TTC28: variants seen among roughly 807,000 people sequenced by gnomAD.
TTC28 encodes tetratricopeptide repeat protein 28.
A neutral mutation model predicts 198.0 loss-of-function variants in TTC28; 61 were observed. The ratio of observed to expected loss-of-function variants is 0.31; its 90% CI spans 0.25 to 0.38. The LOEUF (loss-of-function observed/expected upper bound fraction) is 0.38. Ranked by LOEUF, TTC28 falls within the 10% of genes least tolerant of loss-of-function variation. TTC28 has a pLI of 1.00. For missense variants in TTC28, 2,678 were observed against 3,164.0 expected, an observed-to-expected ratio of 0.85 and a Z score of 3.69; for synonymous variants, 1,171 against 1,297.8, an observed-to-expected ratio of 0.90 and a Z score of 2.10.
chr22:28,407,470 GCGCACA>G (rs999376484), intron 2 of TTC28, among the ~76,000 whole-genome samples: 6 of 136,758 alleles, frequency 4.4e-5, no homozygotes, highest in African/African-American at 1.8e-4. Flanking sequence ...ACACATGCGT[GCGCACA>G]CACACACACA....
At chr22:28,421,213 C>G (rs2047248143) in intron 2 of TTC28, among the ~76,000 whole-genome samples, 1 of 152,132 alleles carries the variant, frequency 6.6e-6, no homozygotes, top group African/African-American at 2.4e-5. Flanking sequence ...ATCTAATGTA[C>G]AGTACCCAAT....
At chr22:28,224,819 C>T (rs1302504860) in intron 5 of TTC28, among the ~76,000 whole-genome samples, 8 of 152,128 alleles carry the variant, frequency 5.3e-5, no homozygotes, top group Admixed American at 5.2e-4. Context: ...TGACTACATT[C>T]CCTTTTTTGC....
At chr22:28,199,548 T>TATATATATATATATATATAC (rs60177369) in intron 5 of TTC28, among the ~76,000 whole-genome samples, 51 of 147,466 alleles carry the variant, frequency 3.5e-4, no homozygotes, top group African/African-American at 1.2e-3. Context: ...TATATATATA[T>TATATATATATATATATATAC]ACACACAAAC....
chr22:28,584,228 C>G (rs1017855235), intron 2 of TTC28, among the ~76,000 whole-genome samples: 1 of 152,068 alleles, frequency 6.6e-6, no homozygotes, highest in African/African-American at 2.4e-5. Context: ...AACATAATTC[C>G]TTTTCTTCCT....
At chr22:28,245,618 A>AC (rs1377100149) in intron 5 of TTC28, among the ~76,000 whole-genome samples, 5 of 152,208 alleles carry the variant, frequency 3.3e-5, no homozygotes, top group Admixed American at 2.6e-4. Flanking sequence ...TAGCCAAAGT[A>AC]CCCTATGCGT....
intron 2 of TTC28, among the ~76,000 whole-genome samples, chr22:28,436,025 C>T (rs981832120): frequency 2.6e-5 from 4 of 152,116 alleles, no homozygotes; most frequent in South Asian, 2.1e-4. Context: ...AATTCAGTGG[C>T]GTTTAGTACA....
intron 2 of TTC28, among the ~76,000 whole-genome samples, chr22:28,451,409 A>T (rs138729192): frequency 6.6e-6 from 1 of 152,294 alleles, no homozygotes; most frequent in East Asian, 1.9e-4. Context: ...ACTCAATGAA[A>T]ATGTCCAGCA....
At chr22:28,279,008 A>G (rs1253563949) in intron 5 of TTC28, among the ~76,000 whole-genome samples, 2 of 152,186 alleles carry the variant, frequency 1.3e-5, no homozygotes, top group Non-Finnish European at 2.9e-5. Context: ...AGCTCTCACC[A>G]AGAATTCGAA....
intron 2 of TTC28, among the ~76,000 whole-genome samples, chr22:28,319,871 C>T (rs2045416156): frequency 6.6e-6 from 1 of 152,116 alleles, no homozygotes; most frequent in Non-Finnish European, 1.5e-5. Flanking sequence ...TGCAGAGTGC[C>T]CATATCTCAG....
intron 5 of TTC28, among the ~76,000 whole-genome samples, chr22:28,287,672 T>C (rs968719036): frequency 5.9e-5 from 9 of 152,046 alleles, no homozygotes; most frequent in African/African-American, 1.9e-4. Flanking sequence ...TACAGAGTAG[T>C]TGAAGAAAAG....
At chr22:28,566,991 C>T (rs1035383564) in intron 2 of TTC28, among the ~76,000 whole-genome samples, 7 of 151,874 alleles carry the variant, frequency 4.6e-5, no homozygotes, top group Admixed American at 3.9e-4. Flanking sequence ...CCAAGGCTGG[C>T]GGATCATGAG....
At chr22:28,537,302 A>AC (rs1229237739) in intron 2 of TTC28, among the ~76,000 whole-genome samples, 2 of 130,582 alleles carry the variant, frequency 1.5e-5, no homozygotes, top group South Asian at 4.5e-4. Context: ...CAAAAATAAA[A>AC]TAAAATAAAA....
chr22:28,630,246 C>T (rs890825851), intron 1 of TTC28, among the ~76,000 whole-genome samples: 14 of 152,030 alleles, frequency 9.2e-5, no homozygotes, highest in African/African-American at 1.9e-4. Flanking sequence ...GCCAAATAAC[C>T]CTTTTTTATT....
Position 28,101,294 on chromosome 22 carries a change from G to C in TTC28, c.3308-14C>G, listed in dbSNP as rs1942144547. On this transcript the variant is annotated splice_polypyrimidine_tract_variant and intron_variant, in intron 8 of 22. Coordinates refer to ENST00000397906, the MANE Select transcript of TTC28 (RefSeq NM_001145418.2). ...CTAACCTTAAACCTGAAACCAGATAGAGAAATTTAAGGAAACATAGAAGAT... is the reference window on the plus strand; with the variant it reads ...CTAACCTTAAACCTGAAACCAGATACAGAAATTTAAGGAAACATAGAAGAT... 4 of 1,543,774 alleles carry C rather than the reference G, an allele frequency of 2.6e-6. No homozygotes were observed. The highest frequency in any genetic ancestry group is 1.2e-5 in the South Asian group (1 of 83,590).
chr22:28,264,351 C>T (rs113954903), intron 5 of TTC28, among the ~76,000 whole-genome samples: 3 of 152,136 alleles, frequency 2.0e-5, no homozygotes, highest in African/African-American at 7.2e-5. Context: ...ACTGTGAGTC[C>T]ATTAAACCTC....
At chr22:28,208,537 A>T (rs2147171493) in intron 5 of TTC28, among the ~76,000 whole-genome samples, 1 of 152,274 alleles carries the variant, frequency 6.6e-6, no homozygotes, top group Admixed American at 6.5e-5. Flanking sequence ...AGATCTGGGA[A>T]TCTAGGAATA....
chr22:28,564,199 C>G (rs1267103461), intron 2 of TTC28, among the ~76,000 whole-genome samples: 1 of 152,158 alleles, frequency 6.6e-6, no homozygotes, highest in Non-Finnish European at 1.5e-5. Context: ...TGTTTTGGAA[C>G]TAAAGTTGGC....
At chr22:28,207,954 A>T (rs1926575380) in intron 5 of TTC28, among the ~76,000 whole-genome samples, 1 of 152,168 alleles carries the variant, frequency 6.6e-6, no homozygotes, top group Non-Finnish European at 1.5e-5. Flanking sequence ...GAAGCTGTGC[A>T]CCCTGTGGGC....
chr22:28,524,026 G>GCC (rs1228140343), intron 2 of TTC28, among the ~76,000 whole-genome samples: 2 of 151,910 alleles, frequency 1.3e-5, no homozygotes. Context: ...GTAGTACTTA[G>GCC]TAGGAAACCC....
Sources: allele counts gnomAD v4.1 joint callset (sites outside exome capture counted in the v4.1 genomes callset), GRCh38; gene constraint gnomAD v4.1.1; transcripts MANE v1.5; gene names NCBI Gene and HGNC (gene_info 2026-07-23, HGNC 2026-07-21).